The following RPTOR variants were observed in gnomAD, a reference collection of about 807,000 sequenced individuals.
RPTOR encodes regulatory associated protein of MTOR complex 1.
RPTOR carries 21 observed loss-of-function variants against 169.9 expected under a neutral mutation model. The ratio of observed to expected loss-of-function variants is 0.12; its 90% CI spans 0.09 to 0.18. The LOEUF is 0.18. RPTOR is among the 10% of genes least tolerant of loss of function. The probability of loss-of-function intolerance (pLI) is 1.00; values close to 1 mark genes in which losing one functional copy is unlikely to be tolerated. For missense variants in RPTOR, 1,133 were observed against 1,855.9 expected, an observed-to-expected ratio of 0.61 and a Z score of 7.16; for synonymous variants, 732 against 753.2, an observed-to-expected ratio of 0.97 and a Z score of 0.46.
In RPTOR at chr17:80,906,500, G is replaced by A. The variant is rs538515260; in HGVS notation, c.2402-2311G>A. 3.3e-5 allele frequency among the ~76,000 whole-genome samples: 5 copies of A among 152,334 alleles called. No homozygotes were observed. In the South Asian group the frequency reaches 8.3e-4, roughly 25 times the overall value. ...GGCGCTGAAGTCCAGGTGTGCTTGGGCCCTAGGCTCCCAAGACGTTCCCAC... is the reference window on the plus strand; with the variant it reads ...GGCGCTGAAGTCCAGGTGTGCTTGGACCCTAGGCTCCCAAGACGTTCCCAC... On this transcript the variant is annotated intron_variant, in intron 20 of 33. Coordinates refer to ENST00000306801, the MANE Select transcript of RPTOR (RefSeq NM_020761.3).
At chr17:80,683,759 C>A (rs1007242967) in intron 3 of RPTOR, among the ~76,000 whole-genome samples, 1 of 152,186 alleles carries the variant, frequency 6.6e-6, no homozygotes, top group Non-Finnish European at 1.5e-5. Flanking sequence ...CAAGCTCACT[C>A]CTGTCCATGT....
intron 10 of RPTOR, among the ~76,000 whole-genome samples, chr17:80,840,007 CT>C (rs1431611722): frequency 6.6e-6 from 1 of 152,146 alleles, no homozygotes; most frequent in Non-Finnish European, 1.5e-5. Flanking sequence ...CACTAGGTTC[CT>C]TTTGTTTTTA....
chr17:80,872,215 C>G (rs1200203947), intron 13 of RPTOR, among the ~76,000 whole-genome samples: 1 of 152,190 alleles, frequency 6.6e-6, no homozygotes, highest in Non-Finnish European at 1.5e-5. Flanking sequence ...AAGCTGTCAT[C>G]AGCGAGGAGG....
intron 7 of RPTOR, among the ~76,000 whole-genome samples, chr17:80,814,664 A>T (rs151308169): frequency 1.3e-5 from 2 of 152,162 alleles, no homozygotes; most frequent in African/African-American, 2.4e-5. Context: ...TCTGTATTCA[A>T]CGTTTCATGC....
Position 80,554,683 on chromosome 17 carries a change from G to T in RPTOR, c.162+8892G>T, listed in dbSNP as rs550110005. On this transcript the variant is annotated intron_variant, in intron 1 of 33. Transcript: ENST00000306801. ...GGCGTGAACCCGGGAGGCAGAGCTT[G>T]CAGTGAGCTGAGATTGCGCCACTGC... 5.1e-4 allele frequency among the ~76,000 whole-genome samples: 77 copies of T among 152,196 alleles called. No homozygotes were observed. In the South Asian group the frequency reaches 0.012, roughly 23 times the overall value.
intron 1 of RPTOR, among the ~76,000 whole-genome samples, chr17:80,554,930 A>G (rs1030837677): frequency 1.7e-4 from 26 of 152,220 alleles, no homozygotes; most frequent in Non-Finnish European, 3.4e-4. Context: ...ATTTATTTGA[A>G]TATATAATAA....
intron 17 of RPTOR, among the ~76,000 whole-genome samples, chr17:80,885,945 C>T (rs2068241052): frequency 6.6e-6 from 1 of 152,232 alleles, no homozygotes; most frequent in African/African-American, 2.4e-5. Flanking sequence ...CCCACCCCAG[C>T]GCAAAAGGGG....
Position 80,957,591 on chromosome 17 carries a change from G to A in RPTOR, c.3371-33G>A. ...AAGCCTGCCCAAGGCAAGGGCCCAT[G>A]GGGTGATGCCATGTCCCACTGTATC... On this transcript the variant is annotated intron_variant, in intron 28 of 33. Transcript: ENST00000306801. The surrounding 1 kb of genome is among the most constrained non-coding windows in gnomAD (Gnocchi z 4.6). 3 of 1,601,290 alleles carry A rather than the reference G, an allele frequency of 1.9e-6. No individual in the cohort carries two copies. Among genetic ancestry groups the A allele is most frequent in the South Asian group, 1.1e-5 (1 of 90,848 alleles).
chr17:80,843,327 C>T (rs1304922999), intron 10 of RPTOR, among the ~76,000 whole-genome samples: 1 of 152,052 alleles, frequency 6.6e-6, no homozygotes, highest in Non-Finnish European at 1.5e-5. Flanking sequence ...GAGGCTGAGG[C>T]AGGAGAATTT....
At chr17:80,877,801 C>T (rs1240334333) in intron 13 of RPTOR, among the ~76,000 whole-genome samples, 3 of 152,166 alleles carry the variant, frequency 2.0e-5, no homozygotes, top group African/African-American at 4.8e-5. Flanking sequence ...CTCCTCAGCT[C>T]GGGGGAGCAG....
chr17:80,917,587 A>G (rs2068689472), intron 21 of RPTOR, among the ~76,000 whole-genome samples: 1 of 152,138 alleles, frequency 6.6e-6, no homozygotes, highest in South Asian at 2.1e-4. Flanking sequence ...TAACCTCTAG[A>G]CCAAAGTAGT....
chr17:80,802,073 T>C (rs1241964898), intron 7 of RPTOR: 1 of 152,340 alleles, frequency 6.6e-6, no homozygotes. Flanking sequence ...TGGAGGAGGC[T>C]TGGTTCTGAG....
At chr17:80,670,964 C>T (rs1598208697) in intron 3 of RPTOR, among the ~76,000 whole-genome samples, 1 of 152,262 alleles carries the variant, frequency 6.6e-6, no homozygotes, top group South Asian at 2.1e-4. Flanking sequence ...GGAACTTATC[C>T]TCGCCGGGGT....
Position 80,846,484 on chromosome 17 carries a change from C to T in RPTOR, c.1224C>T (p.Phe408=). The change falls in exon 11 of 34, where the codon TTC becomes TTT. Residue 408 remains phenylalanine (F), a synonymous_variant. Transcript: ENST00000306801. ...TGCTTGCCCCGCAGCACAGCCCGTT[C>T]TTCGCCGAGCAGCTGACCGCATTCC... ...EEGTAFRHSP[F]FAEQLTAFQV... 6.2e-7 allele frequency: 1 copy of T among 1,614,152 alleles called. No individual in the cohort carries two copies. Among genetic ancestry groups the T allele is most frequent in the Non-Finnish European group, 8.5e-7 (1 of 1,180,034 alleles).
chr17:80,680,760 T>G (rs1035642706), intron 3 of RPTOR, among the ~76,000 whole-genome samples: 3 of 151,974 alleles, frequency 2.0e-5, no homozygotes, highest in African/African-American at 7.3e-5. Context: ...CCCAGGGGAT[T>G]TAGTTAGTGA....
rs992726047 is a variant in RPTOR at position 80,704,967 on chromosome 17, A to G, written c.349-2874A>G. Among the ~76,000 whole-genome samples, 6 of 152,268 alleles carry G rather than the reference A, an allele frequency of 3.9e-5. No homozygotes were observed. The East Asian group carries it at 1.2e-3, about 29-fold the overall frequency. On this transcript the variant is annotated intron_variant, in intron 3 of 33. Coordinates refer to ENST00000306801, the MANE Select transcript of RPTOR (RefSeq NM_020761.3). ...CAGGCTCCTCCAGAACATGTGGGTCAGATTGGCCACCGCATGGCTGGGGTC... is the reference window on the plus strand; with the variant it reads ...CAGGCTCCTCCAGAACATGTGGGTCGGATTGGCCACCGCATGGCTGGGGTC...
intron 1 of RPTOR, among the ~76,000 whole-genome samples, chr17:80,577,876 A>C (rs1186706912): frequency 6.6e-6 from 1 of 152,224 alleles, no homozygotes; most frequent in Non-Finnish European, 1.5e-5. Flanking sequence ...AAGCAGTGTC[A>C]GTTTGAACAC....
At chr17:80,574,978 T>C (rs946447247) in intron 1 of RPTOR, among the ~76,000 whole-genome samples, 1 of 151,328 alleles carries the variant, frequency 6.6e-6, no homozygotes, top group African/African-American at 2.4e-5. Flanking sequence ...TAGTTTATTT[T>C]ATATCTTATT....
chr17:80,685,199 G>GCACCTCACT, intron 3 of RPTOR, among the ~76,000 whole-genome samples: 1 of 151,262 alleles, frequency 6.6e-6, no homozygotes, highest in Non-Finnish European at 1.5e-5. Flanking sequence ...ATTCAGGGTC[G>GCACCTCACT]CTTGTTGCGT....
Sources: allele counts gnomAD v4.1 joint callset (sites outside exome capture counted in the v4.1 genomes callset), GRCh38; gene constraint gnomAD v4.1.1; non-coding constraint Gnocchi (gnomAD v3.1); transcripts MANE v1.5; gene names NCBI Gene and HGNC (gene_info 2026-07-23, HGNC 2026-07-21).